E2F3: variants seen among roughly 807,000 people sequenced by gnomAD.
E2F3 encodes transcription factor E2F3.
In E2F3, 11 loss-of-function variants were observed where a neutral mutation model predicts 44.4. That is an observed-to-expected ratio of 0.25 (90% CI 0.16 to 0.41). E2F3 has a LOEUF of 0.41. Among genes scored for constraint, E2F3 ranks in the 10% least tolerant of loss-of-function variants. E2F3 has a pLI of 1.00. For synonymous variants in E2F3, 249 were observed against 253.0 expected, an observed-to-expected ratio of 0.98 and a Z score of 0.15; for missense variants, 487 against 583.6, an observed-to-expected ratio of 0.83 and a Z score of 1.70.
intron 1 of E2F3, among the ~76,000 whole-genome samples, chr6:20,462,758 T>G (rs1451491617): frequency 6.6e-6 from 1 of 151,282 alleles, no homozygotes; most frequent in Non-Finnish European, 1.5e-5. Flanking sequence ...ACACCCTGCC[T>G]AGTTCACTAA....
chr6:20,453,563 C>T (rs1257146363), intron 1 of E2F3, among the ~76,000 whole-genome samples: 2 of 152,074 alleles, frequency 1.3e-5, no homozygotes, highest in Non-Finnish European at 2.9e-5. Context: ...CACAGGTGCA[C>T]ACCACCATGC....
chr6:20,436,452 AACACACACACAC>A lies in E2F3; in HGVS notation c.393+33843_393+33854del, dbSNP rs765678025. The stretch of plus-strand genomic sequence containing the variant: ...ACTAACAATAGCTGATGAGCTAGGA[AACACACACACAC>A]ACACACACACACACAGAGAGAGAGA... On this transcript the variant is annotated intron_variant, in intron 1 of 6. Transcript: ENST00000346618. Among the ~76,000 whole-genome samples the A allele has an allele frequency of 8.5e-4, 124 of 146,340 alleles. 1 individual carries two copies. In the Middle Eastern group the frequency reaches 0.017, roughly 21 times the overall value.
chr6:20,471,623 C>T (rs1174260912), intron 1 of E2F3, among the ~76,000 whole-genome samples: 1 of 152,072 alleles, frequency 6.6e-6, no homozygotes, highest in Non-Finnish European at 1.5e-5. Context: ...GTGGAAAAAT[C>T]AAATATTCAA....
In E2F3 at chr6:20,402,602, A is replaced by G. The variant is rs1216519626; in HGVS notation, c.370A>G (p.Ser124Gly). 1.8e-5 allele frequency: 24 copies of G among 1,333,442 alleles called. No individual in the cohort carries two copies. The highest frequency in any genetic ancestry group is 4.7e-5 in the African/African-American group (3 of 63,804). The allele number at this position is 1,333,442 out of a possible 1,614,324, so 82.6% of individuals were successfully genotyped here. ...GCCACCAGCGCTGGGACGCGGCGGC[A>G]GCGGCGGCGGCGGCGGCCCTCCGGT... ...QQPPALGRGG[S>G]GGGGGPPAKR... is the part of the protein sequence containing the mutation. The change falls in exon 1 of 7, where the codon AGC becomes GGC. Residue 124 changes from serine (S) to glycine (G), a missense_variant. Coordinates refer to ENST00000346618, the MANE Select transcript of E2F3 (RefSeq NM_001949.5). The surrounding 1 kb of genome is among the most constrained non-coding windows in gnomAD (Gnocchi z 5.6).
rs1759371014 is a variant in E2F3 at position 20,403,249 on chromosome 6, G to C, written c.393+624G>C. Among the ~76,000 whole-genome samples, 4 of 152,068 alleles carry C rather than the reference G, an allele frequency of 2.6e-5. No individual in the cohort carries two copies. The South Asian group carries it at 8.3e-4, about 31-fold the overall frequency. On this transcript the variant is annotated intron_variant, in intron 1 of 6. Transcript: ENST00000346618. ...CGTGGGGGAGGTGGGGCTGGAAGCCGGGTGCGGACTGGGGCGTGGGCTGTC... is the reference window on the plus strand; with the variant it reads ...CGTGGGGGAGGTGGGGCTGGAAGCCCGGTGCGGACTGGGGCGTGGGCTGTC...
intron 1 of E2F3, among the ~76,000 whole-genome samples, chr6:20,477,492 TG>T (rs1028991552): frequency 1.6e-4 from 25 of 152,174 alleles, no homozygotes; most frequent in Admixed American, 1.3e-4. Flanking sequence ...TGGGCAGAGC[TG>T]GGCTTTGCCT....
chr6:20,447,339 TGAGAGAGA>T (rs140836992), intron 1 of E2F3, among the ~76,000 whole-genome samples: 4 of 150,004 alleles, frequency 2.7e-5, no homozygotes, highest in East Asian at 2.0e-4. Context: ...TGTGTGTGTA[TGAGAGAGA>T]GAGAGAGAGA....
intron 1 of E2F3, among the ~76,000 whole-genome samples, chr6:20,448,245 T>A (rs965110627): frequency 6.6e-6 from 1 of 152,176 alleles, no homozygotes; most frequent in Non-Finnish European, 1.5e-5. Context: ...TCCAGAGAAA[T>A]AATCAGCTCT....
Position 20,402,435 on chromosome 6 carries a change from C to A in E2F3, c.203C>A (p.Thr68Asn), listed in dbSNP as rs538615855. ...ATCCTCACCACGAACACTTCCACCA[C>A]CTCCTGTTCCTCCTCCCTCCAAAGC... ...IQILTTNTST[T>N]SCSSSLQSGA... Residue 68 changes from threonine (T) to asparagine (N), a missense_variant, in exon 1 of 7, where the codon ACC (threonine) becomes AAC (asparagine). This residue lies in a region of E2F3 where 238 missense variants were observed against 236.0 expected (regional missense o/e 1.01). Coordinates refer to ENST00000346618, the MANE Select transcript of E2F3 (RefSeq NM_001949.5). The surrounding 1 kb of genome is among the most constrained non-coding windows in gnomAD (Gnocchi z 5.6). The A allele has an allele frequency of 6.2e-7, 1 of 1,611,612 alleles. No homozygotes were observed. Among genetic ancestry groups the A allele is most frequent in the Non-Finnish European group, 8.5e-7 (1 of 1,179,482 alleles).
At chr6:20,403,739 G>T in intron 1 of E2F3, 4 of 1,402,776 alleles carry the variant, frequency 2.9e-6, no homozygotes, top group Non-Finnish European at 3.8e-6. Flanking sequence ...GCCCTGCGCC[G>T]CCGGTCTGTT....
At chr6:20,431,876 A>T (rs73382482) in intron 1 of E2F3, among the ~76,000 whole-genome samples, 2,930 of 152,328 alleles carry the variant, frequency 0.019, 109 homozygotes, top group African/African-American at 0.066. Flanking sequence ...TCTCTCCCTG[A>T]TCTGGAGACT....
intron 1 of E2F3, among the ~76,000 whole-genome samples, chr6:20,429,280 T>TG (rs1393554003): frequency 6.6e-6 from 1 of 152,204 alleles, no homozygotes; most frequent in East Asian, 1.9e-4. Context: ...TCCACGGTGT[T>TG]GCTTTTCGTG....
chr6:20,422,598 G>A (rs976780740), intron 1 of E2F3, among the ~76,000 whole-genome samples: 1 of 152,122 alleles, frequency 6.6e-6, no homozygotes, highest in African/African-American at 2.4e-5. Context: ...TTAGAGGGAG[G>A]GATGTGTGAT....
At chr6:20,483,207 T>C (rs1211752299) in intron 4 of E2F3, among the ~76,000 whole-genome samples, 1 of 152,186 alleles carries the variant, frequency 6.6e-6, no homozygotes, top group African/African-American at 2.4e-5. Context: ...CATGTGTGGT[T>C]GAGACATGGG....
At chr6:20,448,958 A>C (rs1761038518) in intron 1 of E2F3, among the ~76,000 whole-genome samples, 3 of 152,240 alleles carry the variant, frequency 2.0e-5, no homozygotes, top group African/African-American at 7.2e-5. Context: ...TCATCTTCAG[A>C]GACCTGCCTT....
intron 1 of E2F3, among the ~76,000 whole-genome samples, chr6:20,463,375 C>T (rs570374302): frequency 1.5e-4 from 23 of 152,206 alleles, no homozygotes; most frequent in Admixed American, 2.6e-4. Flanking sequence ...ATAGTGAAGT[C>T]CCCTATCTGT....
chr6:20,488,902 G>A (rs1347720313), intron 6 of E2F3, among the ~76,000 whole-genome samples: 2 of 152,132 alleles, frequency 1.3e-5, no homozygotes, highest in South Asian at 2.1e-4. Context: ...GCTGAGGCAG[G>A]AGAATCACTT....
At chr6:20,465,808 CAT>C (rs199684582) in intron 1 of E2F3, among the ~76,000 whole-genome samples, 1 of 151,640 alleles carries the variant, frequency 6.6e-6, no homozygotes, top group African/African-American at 2.4e-5. Context: ...AGTATTCCAT[CAT>C]ATATATATAT....
rs185139180 is a variant in E2F3 at position 20,430,234 on chromosome 6, A to T, written c.393+27609A>T. On this transcript the variant is annotated intron_variant, in intron 1 of 6. Transcript: ENST00000346618. ...AAGTAGGTCCCATGCAATATTGGGGATATAGATATTTTTTAAATTTGTTGT... is the reference window on the plus strand; with the variant it reads ...AAGTAGGTCCCATGCAATATTGGGGTTATAGATATTTTTTAAATTTGTTGT... 2.6e-5 allele frequency among the ~76,000 whole-genome samples: 4 copies of T among 152,314 alleles called. No homozygotes were observed. The East Asian group carries it at 7.7e-4, about 29-fold the overall frequency.
Sources: gnomAD v4.1 joint callset for allele counts (sites outside exome capture counted in the v4.1 genomes callset) on GRCh38, gnomAD v4.1.1 for gene constraint, gnomAD v4.1.1 regional missense constraint, Gnocchi (gnomAD v3.1) non-coding constraint, MANE v1.5 for transcripts, NCBI Gene and HGNC (gene_info 2026-07-23, HGNC 2026-07-21) for gene names.